The following STK31 variants were observed in gnomAD, a reference collection of about 807,000 sequenced individuals.
STK31 encodes serine/threonine kinase 31.
Under a neutral mutation model 129.7 loss-of-function variants are expected in STK31, and 89 were observed. The ratio of observed to expected loss-of-function variants is 0.69; its 90% CI spans 0.58 to 0.82. The LOEUF (loss-of-function observed/expected upper bound fraction) is 0.82. Among genes scored for constraint, STK31 ranks in the 40% least tolerant of loss-of-function variants. The probability of loss-of-function intolerance (pLI) is 0.00; values close to 1 mark genes in which losing one functional copy is unlikely to be tolerated. For missense variants in STK31, 1,187 were observed against 1,176.4 expected, an observed-to-expected ratio of 1.01 and a Z score of -0.13; for synonymous variants, 448 against 395.3, an observed-to-expected ratio of 1.13 and a Z score of -1.58.
chr7:23,798,257 G>A lies in STK31; in HGVS notation c.2760+7311G>A, dbSNP rs192762503. The stretch of plus-strand genomic sequence containing the variant: ...CCTCCCTAACTCATTTTATGAGGCC[G>A]GCATCATCCTGGTACCAAAACGTGC... On this transcript the variant is annotated intron_variant, in intron 22 of 23. Coordinates refer to ENST00000355870, the MANE Select transcript of STK31 (RefSeq NM_031414.5). Among the ~76,000 whole-genome samples, 370 of 152,160 alleles carry A rather than the reference G, an allele frequency of 2.4e-3. 1 individual carries two copies. The highest frequency in any genetic ancestry group is 7.6e-3 in the African/African-American group (316 of 41,516).
chr7:23,715,279 A>G (rs1786234666), intron 3 of STK31, among the ~76,000 whole-genome samples: 1 of 152,116 alleles, frequency 6.6e-6, no homozygotes, highest in Admixed American at 6.6e-5. Flanking sequence ...GATGAGTGGC[A>G]GCTGAAGGAA....
chr7:23,794,352 C>A (rs1791822371), intron 22 of STK31, among the ~76,000 whole-genome samples: 1 of 152,164 alleles, frequency 6.6e-6, no homozygotes, highest in African/African-American at 2.4e-5. Flanking sequence ...GTTTACTTCC[C>A]CTTCTGCCAT....
chr7:23,802,654 T>C (rs1236110159), intron 22 of STK31, among the ~76,000 whole-genome samples: 5 of 152,114 alleles, frequency 3.3e-5, no homozygotes, highest in African/African-American at 4.8e-5. Flanking sequence ...GCTGGGATTA[T>C]AGGCACCCGC....
chr7:23,822,922 G>T (rs948525793), intron 23 of STK31, among the ~76,000 whole-genome samples: 2 of 152,158 alleles, frequency 1.3e-5, no homozygotes, highest in African/African-American at 4.8e-5. Flanking sequence ...CAAAGGACAT[G>T]AACTCATCCT....
At chr7:23,768,942 G>A (rs1789998433) in intron 11 of STK31, 53 bp from the exon 12 acceptor site, 3 of 1,437,890 alleles carry the variant, frequency 2.1e-6, no homozygotes, top group African/African-American at 1.4e-5. Flanking sequence ...CACAGTGCTC[G>A]AATCCTGAAT....
chr7:23,777,446 T>G (rs1363802189), intron 15 of STK31, among the ~76,000 whole-genome samples: 1 of 152,130 alleles, frequency 6.6e-6, no homozygotes, highest in Non-Finnish European at 1.5e-5. Flanking sequence ...TCTCCCACTA[T>G]TATTGTGTGG....
At chr7:23,782,610 C>T (rs1046278621) in intron 16 of STK31, among the ~76,000 whole-genome samples, 1 of 151,970 alleles carries the variant, frequency 6.6e-6, no homozygotes, top group Non-Finnish European at 1.5e-5. Flanking sequence ...GTTAAAATAG[C>T]GATCTTGCAA....
chr7:23,811,259 G>T (rs1469761015), intron 22 of STK31: 9 of 373,082 alleles, frequency 2.4e-5, no homozygotes, highest in South Asian at 2.4e-4. Context: ...ACCAGTAAAG[G>T]ACTGGTAGTT....
intron 22 of STK31, among the ~76,000 whole-genome samples, chr7:23,803,926 T>C (rs1468740140): frequency 6.6e-6 from 1 of 152,220 alleles, no homozygotes; most frequent in East Asian, 1.9e-4. Context: ...TATGGAAATC[T>C]TAAAGGTGTT....
At chr7:23,730,598 A>T (rs879215821) in intron 6 of STK31, among the ~76,000 whole-genome samples, 8 of 151,848 alleles carry the variant, frequency 5.3e-5, no homozygotes, top group South Asian at 4.2e-4. Context: ...TTTGTTTTAC[A>T]TATAGGGAAA....
chr7:23,781,519 A>G lies in STK31; in HGVS notation c.2066A>G (p.Tyr689Cys). Residue 689 changes from tyrosine (Y) to cysteine (C), a missense_variant and splice_region_variant, in exon 16 of 24, where the codon TAT becomes TGT. Tyr to Cys is a radical substitution (Grantham distance 194). Coordinates refer to ENST00000355870, the MANE Select transcript of STK31 (RefSeq NM_031414.5). ...GAAATTTATCATGAGAGAGAGGAAT[A>G]TGTAAGTATTTGGTTCTTTGAAGTT... Reference protein sequence around the residue: ...FQEIYHEREEYEMLTSLAQKW... With the variant: ...FQEIYHEREECEMLTSLAQKW... 5 of 1,597,876 alleles carry G rather than the reference A, an allele frequency of 3.1e-6. No individual in the cohort carries two copies. Among genetic ancestry groups the G allele is most frequent in the Non-Finnish European group, 4.3e-6 (5 of 1,171,972 alleles).
At chr7:23,765,753 G>A (rs1194060604) in intron 11 of STK31, among the ~76,000 whole-genome samples, 1 of 151,942 alleles carries the variant, frequency 6.6e-6, no homozygotes, top group Non-Finnish European at 1.5e-5. Flanking sequence ...CATCATGTTG[G>A]CCAGGCTAGT....
chr7:23,785,591 A>C lies in STK31; in HGVS notation c.2262A>C (p.Ile754=). Reference sequence around the variant, plus strand: ...TACGTTCTGAGGTTAATGGGCAGATAATTCTGTTAAAGGTAAGTCTAACTT... The same window carrying C: ...TACGTTCTGAGGTTAATGGGCAGATCATTCTGTTAAAGGTAAGTCTAACTT... ...PLVRSEVNGQ[I]ILLKGYSVDV... is the part of the protein sequence containing the mutation. The change falls in exon 18 of 24, where the codon ATA becomes ATC. Residue 754 remains isoleucine (I), a synonymous_variant. Transcript: ENST00000355870. 6.2e-7 allele frequency: 1 copy of C among 1,612,912 alleles called. No individual in the cohort carries two copies. Among genetic ancestry groups the C allele is most frequent in the Non-Finnish European group, 8.5e-7 (1 of 1,179,192 alleles).
At chr7:23,750,067 T>TTTTCCCCC (rs1788611310) in intron 8 of STK31, among the ~76,000 whole-genome samples, 1 of 90,550 alleles carries the variant, frequency 1.1e-5, no homozygotes, top group Admixed American at 1.4e-4. Context: ...ATGGTTTGTT[T>TTTTCCCCC]CCCCCCCCGC....
intron 8 of STK31, among the ~76,000 whole-genome samples, chr7:23,747,534 T>C (rs1788435675): frequency 6.6e-6 from 1 of 151,560 alleles, no homozygotes; most frequent in South Asian, 2.1e-4. Context: ...CATGCCCGGC[T>C]AATTTTTGTA....
At chr7:23,805,872 G>A (rs146038779) in intron 22 of STK31, among the ~76,000 whole-genome samples, 354 of 152,306 alleles carry the variant, frequency 2.3e-3, no homozygotes, top group Non-Finnish European at 4.1e-3. Flanking sequence ...GAACATGTTT[G>A]GAACTAACTG....
chr7:23,710,441 G>A, intron 1 of STK31, 106 bp downstream of exon 1: 1 of 1,585,872 alleles, frequency 6.3e-7, no homozygotes, highest in South Asian at 1.1e-5. Context: ...CCCATTTCAG[G>A]GTTTTCTGTC....
chr7:23,727,546 T>TA (rs1787158002), intron 5 of STK31: 1 of 392,210 alleles, frequency 2.5e-6, no homozygotes, highest in South Asian at 3.2e-5. Flanking sequence ...TAGTTATTTT[T>TA]ACCTCAGTTC....
intron 1 of STK31, 85 bp downstream of exon 1, chr7:23,710,420 C>T: frequency 6.2e-7 from 1 of 1,601,854 alleles, no homozygotes. Context: ...GTCTCCAATC[C>T]TGGGACGAGG....
Sources: gnomAD v4.1 joint callset for allele counts (sites outside exome capture counted in the v4.1 genomes callset) on GRCh38, gnomAD v4.1.1 for gene constraint, MANE v1.5 for transcripts, NCBI Gene and HGNC (gene_info 2026-07-23, HGNC 2026-07-21) for gene names.